The following TAB2 variants were observed in gnomAD, a reference collection of about 807,000 sequenced individuals.
The protein encoded by TAB2 is TGF-beta-activated kinase 1 and MAP3K7-binding protein 2.
Under a neutral mutation model 65.0 loss-of-function variants are expected in TAB2, and 3 were observed. That is an observed-to-expected ratio of 0.05 (90% CI 0.02 to 0.12). The LOEUF (loss-of-function observed/expected upper bound fraction) is 0.12. Among genes scored for constraint, TAB2 ranks in the 10% least tolerant of loss-of-function variants. The pLI is 1.00. For synonymous variants in TAB2, 298 were observed against 285.1 expected (o/e 1.05, Z -0.46); for missense variants, 623 against 840.3 (o/e 0.74, Z 3.20).
chr6:149,234,776 T>A (rs2114636050), intron 1 of TAB2, among the ~76,000 whole-genome samples: 1 of 151,670 alleles, frequency 6.6e-6, no homozygotes, highest in East Asian at 1.9e-4. Context: ...TGTGTGAGAT[T>A]TTTTCAGTGA....
At chr6:149,362,667 CT>C (rs1562434508) in intron 1 of TAB2, among the ~76,000 whole-genome samples, 5 of 151,432 alleles carry the variant, frequency 3.3e-5, no homozygotes, top group Admixed American at 3.3e-4. Flanking sequence ...AAAAATTAAC[CT>C]TTTTTTGGAA....
chr6:149,298,135 T>C (rs1778909726), intron 1 of TAB2, among the ~76,000 whole-genome samples: 1 of 152,056 alleles, frequency 6.6e-6, no homozygotes, highest in South Asian at 2.1e-4. Context: ...AATTAAGCAG[T>C]CTTAAAGGAT....
intron 1 of TAB2, among the ~76,000 whole-genome samples, chr6:149,304,840 A>C (rs1779033540): frequency 6.6e-6 from 1 of 152,110 alleles, no homozygotes; most frequent in Non-Finnish European, 1.5e-5. Context: ...TGCATACCAA[A>C]ATCCTCAAAT....
chr6:149,379,234 G>T lies in TAB2; in HGVS notation c.1319G>T (p.Ser440Ile). 6.2e-7 allele frequency: 1 copy of T among 1,614,180 alleles called. No homozygotes were observed. Among genetic ancestry groups the T allele is most frequent in the Non-Finnish European group, 8.5e-7 (1 of 1,180,036 alleles). ...TTTATTCATCACCATCCTCCCAAAA[G>T]TCGAGCAATAGGCAATAACTCTGCA... is the stretch of plus-strand genomic sequence containing the variant. Reference protein sequence around the residue: ...PAFIHHHPPKSRAIGNNSATS... With the variant: ...PAFIHHHPPKIRAIGNNSATS... Residue 440 changes from serine to isoleucine, a missense_variant, in exon 3 of 7, where the codon AGT becomes ATT. Physicochemically the swap from Ser to Ile is moderately radical, Grantham distance 142 (BLOSUM62 -2). Around this residue, in one of 3 missense-constraint regions of TAB2, gnomAD observed 550 missense variants for 665.7 expected, o/e 0.83. Transcript: ENST00000637181.
intron 6 of TAB2, among the ~76,000 whole-genome samples, chr6:149,406,279 G>GT (rs1222342695): frequency 2.6e-5 from 4 of 152,198 alleles, no homozygotes; most frequent in African/African-American, 9.7e-5. Context: ...ATTAAGGTTT[G>GT]TAGGACTAGG....
chr6:149,330,866 A>G (rs1455094195), intron 1 of TAB2, among the ~76,000 whole-genome samples: 2 of 152,128 alleles, frequency 1.3e-5, no homozygotes, highest in Non-Finnish European at 2.9e-5. Context: ...TTAGGTCCCA[A>G]ACAAAAAAGA....
chr6:149,342,179 C>T (rs1403741340), intron 1 of TAB2, among the ~76,000 whole-genome samples: 3 of 152,060 alleles, frequency 2.0e-5, no homozygotes, highest in Non-Finnish European at 4.4e-5. Flanking sequence ...AAAATTGGAA[C>T]TTAACATTCA....
rs574358337 is a variant in TAB2 at position 149,373,761 on chromosome 6, A to T, written c.102+3662A>T. 1.1e-4 allele frequency among the ~76,000 whole-genome samples: 16 copies of T among 152,338 alleles called. No individual in the cohort carries two copies. In the East Asian group the frequency reaches 2.7e-3, roughly 26 times the overall value. On this transcript the variant is annotated intron_variant, in intron 2 of 6. Transcript: ENST00000637181. Reference sequence around the variant, plus strand: ...GTGATTTTCCACCTTCTAAAAACTCATATCCCACCCCTTTTGATACACTTC... The same window carrying T: ...GTGATTTTCCACCTTCTAAAAACTCTTATCCCACCCCTTTTGATACACTTC...
intron 1 of TAB2, among the ~76,000 whole-genome samples, chr6:149,265,664 A>C (rs1327211805): frequency 1.3e-5 from 2 of 152,220 alleles, no homozygotes; most frequent in Non-Finnish European, 2.9e-5. Context: ...ACAGGGGCTT[A>C]TGCCTAGAGG....
chr6:149,322,807 T>C (rs1779497521), intron 1 of TAB2, among the ~76,000 whole-genome samples: 1 of 152,212 alleles, frequency 6.6e-6, no homozygotes, highest in Admixed American at 6.5e-5. Flanking sequence ...AAATGTTTGC[T>C]TTTTGTCATC....
intron 1 of TAB2, among the ~76,000 whole-genome samples, chr6:149,292,066 CA>C (rs1188384045): frequency 6.6e-6 from 1 of 152,076 alleles, no homozygotes; most frequent in Non-Finnish European, 1.5e-5. Context: ...AATGAACATT[CA>C]TTAAAATTTT....
rs1466832137 is a variant in TAB2 at position 149,397,756 on chromosome 6, A to T, written c.1756A>T (p.Ile586Leu). ...GAAAAGATCAAATTCTATATCCCAG[A>T]TACCTTCCGTAAGTCTTTATGTAAC... is the stretch of plus-strand genomic sequence containing the variant. Reference protein sequence around the residue: ...RLKRSNSISQIPSLEEMQQLR... With the variant: ...RLKRSNSISQLPSLEEMQQLR... The change falls in exon 4 of 7, where the codon ATA becomes TTA. Residue 586 changes from isoleucine (I) to leucine (L), a missense_variant. Physicochemically the swap from Ile to Leu is conservative, Grantham distance 5. Coordinates refer to ENST00000637181, the MANE Select transcript of TAB2 (RefSeq NM_001292034.3). The T allele has an allele frequency of 6.2e-7, 1 of 1,613,292 alleles. No individual in the cohort carries two copies. The highest frequency in any genetic ancestry group is 8.5e-7 in the Non-Finnish European group (1 of 1,180,004).
intron 1 of TAB2, among the ~76,000 whole-genome samples, chr6:149,302,813 A>G (rs539926409): frequency 2.0e-4 from 30 of 152,160 alleles, no homozygotes; most frequent in Non-Finnish European, 3.2e-4. Flanking sequence ...AGGGTCCCCA[A>G]CTCCCAGGCC....
At chr6:149,358,308 A>T (rs932089103) in intron 1 of TAB2, among the ~76,000 whole-genome samples, 1 of 151,808 alleles carries the variant, frequency 6.6e-6, no homozygotes, top group African/African-American at 2.4e-5. Flanking sequence ...AGGTAATTTT[A>T]TACAGTATTT....
chr6:149,383,444 T>G (rs1476901562), intron 3 of TAB2, among the ~76,000 whole-genome samples: 1 of 152,250 alleles, frequency 6.6e-6, no homozygotes, highest in Non-Finnish European at 1.5e-5. Context: ...CAGAATTTTA[T>G]AACATTTGTT....
At chr6:149,401,729 A>G (rs1484657814) in intron 6 of TAB2, among the ~76,000 whole-genome samples, 1 of 152,172 alleles carries the variant, frequency 6.6e-6, no homozygotes, top group Admixed American at 6.5e-5. Flanking sequence ...TCACAAAACG[A>G]GTTTAAACAA....
chr6:149,258,125 G>A (rs189800180), intron 1 of TAB2, among the ~76,000 whole-genome samples: 3 of 152,310 alleles, frequency 2.0e-5, no homozygotes, highest in Admixed American at 2.0e-4. Flanking sequence ...TCTCCAGCTA[G>A]AGAGTCTGGG....
chr6:149,336,922 T>TAA (rs67712825), intron 1 of TAB2, among the ~76,000 whole-genome samples: 39 of 149,586 alleles, frequency 2.6e-4, no homozygotes, highest in South Asian at 4.2e-4. Flanking sequence ...TGCATTTAGA[T>TAA]AAAAAAAAAA....
chr6:149,392,731 G>A (rs1782032742), intron 3 of TAB2, among the ~76,000 whole-genome samples: 1 of 152,126 alleles, frequency 6.6e-6, no homozygotes, highest in Non-Finnish European at 1.5e-5. Flanking sequence ...TTAATTGTTG[G>A]TGGATTGTAC....
Sources: gnomAD v4.1 joint callset for allele counts (sites outside exome capture counted in the v4.1 genomes callset) on GRCh38, gnomAD v4.1.1 for gene constraint, gnomAD v4.1.1 regional missense constraint, MANE v1.5 for transcripts, NCBI Gene and HGNC (gene_info 2026-07-23, HGNC 2026-07-21) for gene names.